The following CPXCR1 variants were observed in gnomAD, a reference collection of about 807,000 sequenced individuals.
CPXCR1 encodes CPX chromosome region candidate 1.
CPXCR1 carries 15 observed loss-of-function variants against 13.8 expected under a neutral mutation model. That is an observed-to-expected ratio of 1.09 (90% CI 0.73 to 1.67). CPXCR1 has a LOEUF of 1.67. CPXCR1 is among the 40% of genes most tolerant of loss of function. The pLI is 0.00. For synonymous variants in CPXCR1, 70 were observed against 76.7 expected (o/e 0.91, Z 0.46); for missense variants, 247 against 223.6 (o/e 1.10, Z -0.67).
At position 88,753,820 on chromosome X, in the gene CPXCR1, A is replaced by G; in HGVS notation, c.406A>G (p.Thr136Ala). The G allele has an allele frequency of 8.3e-7, 1 of 1,209,484 alleles. No homozygotes were observed. Among genetic ancestry groups the G allele is most frequent in the Non-Finnish European group, 1.1e-6 (1 of 893,865 alleles). Reference protein sequence around the residue: ...INHKTRFRLSTSWRVPFINSH... With the variant: ...INHKTRFRLSASWRVPFINSH... ...TCACAAAACTCGTTTTCGACTTTCA[A>G]CTTCATGGAGAGTCCCATTTATTAA... Residue 136 changes from threonine (T) to alanine (A), a missense_variant, in exon 3 of 3, where the codon ACT becomes GCT. Coordinates refer to ENST00000276127, the MANE Select transcript of CPXCR1 (RefSeq NM_033048.6).
Position 88,749,301 on chromosome X carries a change from T to C in CPXCR1, c.-114-17T>C, listed in dbSNP as rs6617745. On this transcript the variant is annotated splice_polypyrimidine_tract_variant and intron_variant, in intron 1 of 2. Coordinates refer to ENST00000276127, the MANE Select transcript of CPXCR1 (RefSeq NM_033048.6). ...TTTTTTCCTTTCTTTTATGAAAATATCTTTATTTGTTTTCAGGGTGCATCT... is the reference window on the plus strand; with the variant it reads ...TTTTTTCCTTTCTTTTATGAAAATACCTTTATTTGTTTTCAGGGTGCATCT... 0.18 allele frequency: 19,105 copies of C among 108,981 alleles called. 1,529 individuals are homozygous for C. The highest frequency in any genetic ancestry group is 0.35 in the East Asian group (1,179 of 3,365). 9.0% of individuals were successfully genotyped at this position (108,981 alleles called of 1,213,427 possible). A position where few individuals can be genotyped will look rare whatever the true frequency, so the allele number is the denominator to read the frequency against.
intron 1 of CPXCR1, among the ~76,000 whole-genome samples, chrX:88,748,591 G>C (rs957203641): frequency 2.7e-5 from 3 of 110,609 alleles, no homozygotes; most frequent in African/African-American, 9.8e-5. Context: ...GCCTTCTTGT[G>C]CAATTCCAGG....
In CPXCR1 at chrX:88,753,447, A is replaced by C; in HGVS notation, c.33A>C (p.Thr11=). The C allele has an allele frequency of 4.3e-6, 5 of 1,152,200 alleles. No individual in the cohort carries two copies. The highest frequency in any genetic ancestry group is 3.5e-6 in the Non-Finnish European group (3 of 865,931). 95.0% of individuals were successfully genotyped at this position (1,152,200 alleles called of 1,213,427 possible). A position where few individuals can be genotyped will look rare whatever the true frequency, so the allele number is the denominator to read the frequency against. Residue 11 remains threonine (T), a synonymous_variant, in exon 3 of 3, where the codon ACA becomes ACC. Transcript: ENST00000276127. ...ATCCTACTAAAGAAGGAAGTGATACAGCTGGAAATGCTCACAAAAATTCTG... is the reference window on the plus strand; with the variant it reads ...ATCCTACTAAAGAAGGAAGTGATACCGCTGGAAATGCTCACAAAAATTCTG... The part of the protein sequence containing the change: MSYPTKEGSD[T]AGNAHKNSEN...
intron 2 of CPXCR1, among the ~76,000 whole-genome samples, chrX:88,752,543 T>C (rs1781369277): frequency 1.9e-5 from 2 of 107,813 alleles, no homozygotes; most frequent in South Asian, 8.1e-4. Context: ...TTTATTTATT[T>C]ATTTATTTAT....
At chrX:88,751,170 G>A (rs971762526) in intron 2 of CPXCR1, among the ~76,000 whole-genome samples, 11 of 111,203 alleles carry the variant, frequency 9.9e-5, no homozygotes, top group African/African-American at 2.0e-4. Flanking sequence ...TTAGGGTGCC[G>A]ATTTTAGATA....
chrX:88,748,245 G>T (rs1216259003), intron 1 of CPXCR1, among the ~76,000 whole-genome samples: 3 of 110,194 alleles, frequency 2.7e-5, no homozygotes, highest in Non-Finnish European at 5.7e-5. Context: ...AACAAACAGT[G>T]AAATGTTGTG....
Position 88,754,183 on chromosome X carries a change from T to C in CPXCR1, c.769T>C (p.Leu257=), listed in dbSNP as rs774008181. Residue 257 remains leucine (L), a synonymous_variant, in exon 3 of 3, where the codon TTG becomes CTG. Transcript: ENST00000276127. ...TAATATAAAAGGTTTTGTGGATATA[T>C]TGACATATATCCATACCATGAATGT... ...IFNIKGFVDI[L]TYIHTMNVMI... 9.3e-6 allele frequency: 11 copies of C among 1,186,894 alleles called. No individual in the cohort carries two copies. Among genetic ancestry groups the C allele is most frequent in the Middle Eastern group, 2.3e-4 (1 of 4,301 alleles).
rs958986279 is a variant in CPXCR1 at position 88,753,727 on chromosome X, C to T, written c.313C>T (p.Pro105Ser). ...PIPRKLVSHK[P>S]LNDRSRSHSG... is the part of the protein sequence containing the mutation. ...TCCCAGAAAATTGGTCTCTCACAAG[C>T]CCTTAAATGATAGATCAAGATCCCA... Residue 105 changes from proline to serine, a missense_variant, in exon 3 of 3, where the codon CCC becomes TCC. Physicochemically the swap from Pro to Ser is moderately conservative, Grantham distance 74. Coordinates refer to ENST00000276127, the MANE Select transcript of CPXCR1 (RefSeq NM_033048.6). The T allele has an allele frequency of 2.5e-6, 3 of 1,208,734 alleles. No individual in the cohort carries two copies. The highest frequency in any genetic ancestry group is 3.4e-6 in the Non-Finnish European group (3 of 893,181).
At chrX:88,753,071 A>G (rs903198642) in intron 2 of CPXCR1, among the ~76,000 whole-genome samples, 13 of 111,497 alleles carry the variant, frequency 1.2e-4, no homozygotes, top group African/African-American at 3.9e-4. Flanking sequence ...ATAATTCACC[A>G]TCCAAAAGGA....
At chrX:88,751,743 G>A (rs1924923644) in intron 2 of CPXCR1, among the ~76,000 whole-genome samples, 1 of 111,401 alleles carries the variant, frequency 9.0e-6, no homozygotes, top group African/African-American at 3.3e-5. Context: ...AATAATTGAA[G>A]ATTAAATTGA....
chrX:88,752,248 A>G (rs1486566393), intron 2 of CPXCR1, among the ~76,000 whole-genome samples: 1 of 111,483 alleles, frequency 9.0e-6, no homozygotes, highest in Non-Finnish European at 1.9e-5. Flanking sequence ...AGGTAAGAGG[A>G]GAGGGGTGAC....
At chrX:88,750,512 A>G (rs1016184356) in intron 2 of CPXCR1, among the ~76,000 whole-genome samples, 7 of 111,993 alleles carry the variant, frequency 6.3e-5, no homozygotes, top group Non-Finnish European at 1.1e-4. Flanking sequence ...GATGTTCATC[A>G]GGGATATCGG....
chrX:88,748,414 T>C, intron 1 of CPXCR1, among the ~76,000 whole-genome samples: 1 of 109,047 alleles, frequency 9.2e-6, no homozygotes, highest in East Asian at 2.8e-4. Context: ...ACTTTAAAAA[T>C]ACCAGAAAAC....
intron 2 of CPXCR1, among the ~76,000 whole-genome samples, chrX:88,752,838 C>T (rs892477868): frequency 6.3e-5 from 7 of 111,429 alleles, no homozygotes; most frequent in South Asian, 7.4e-4. Flanking sequence ...TGGGACACCG[C>T]GCTTGGCCTA....
At chrX:88,748,329 A>C (rs1422375814) in intron 1 of CPXCR1, among the ~76,000 whole-genome samples, 1 of 108,000 alleles carries the variant, frequency 9.3e-6, no homozygotes, top group Non-Finnish European at 1.9e-5. Context: ...TATTTAATGT[A>C]TATATATTTT....
chrX:88,750,501 C>G (rs1474531830), intron 2 of CPXCR1, among the ~76,000 whole-genome samples: 1 of 111,619 alleles, frequency 9.0e-6, no homozygotes, highest in African/African-American at 3.3e-5. Flanking sequence ...ATTTTTGTAT[C>G]GATGTTCATC....
At chrX:88,753,317 C>T (rs1924976159) in intron 2 of CPXCR1, 90 bp from the exon 3 acceptor site, 2 of 490,488 alleles carry the variant, frequency 4.1e-6, no homozygotes, top group Non-Finnish European at 6.3e-6. Flanking sequence ...AGCACATTCA[C>T]AGGCTTTTTG....
rs1451973663 is a variant in CPXCR1, at chrX:88,753,623, G to A, written c.209G>A (p.Ser70Asn). 8.3e-7 allele frequency: 1 copy of A among 1,204,171 alleles called. No homozygotes were observed. The highest frequency in any genetic ancestry group is 2.2e-5 in the Admixed American group (1 of 44,691). ...EDVVPQAAEN[S>N]ELETEIQKDQ... Reference sequence around the variant, plus strand: ...GTTGTTCCTCAAGCAGCAGAAAACAGCGAGCTCGAAACAGAGATCCAAAAA... The same window carrying A: ...GTTGTTCCTCAAGCAGCAGAAAACAACGAGCTCGAAACAGAGATCCAAAAA... Residue 70 changes from serine (S) to asparagine (N), a missense_variant, in exon 3 of 3, where the codon AGC becomes AAC. Coordinates refer to ENST00000276127, the MANE Select transcript of CPXCR1 (RefSeq NM_033048.6).
In CPXCR1 at chrX:88,754,064, T is replaced by C. The variant is rs1458706927; in HGVS notation, c.650T>C (p.Phe217Ser). The change falls in exon 3 of 3, where the codon TTT becomes TCT. Residue 217 changes from phenylalanine to serine, a missense_variant. By Grantham distance (155) the Phe-to-Ser change is radical. Coordinates refer to ENST00000276127, the MANE Select transcript of CPXCR1 (RefSeq NM_033048.6). Reference protein sequence around the residue: ...PLTERMTSGKFCKSTDTKGKC... With the variant: ...PLTERMTSGKSCKSTDTKGKC... The stretch of plus-strand genomic sequence containing the variant: ...ACTGAGAGAATGACATCAGGAAAAT[T>C]TTGCAAATCAACTGACACTAAAGGG... 1.7e-6 allele frequency: 2 copies of C among 1,208,900 alleles called. No individual in the cohort carries two copies. The highest frequency in any genetic ancestry group is 3.5e-5 in the African/African-American group (2 of 57,002).
Sources: allele counts gnomAD v4.1 joint callset (sites outside exome capture counted in the v4.1 genomes callset), GRCh38; gene constraint gnomAD v4.1.1; transcripts MANE v1.5; gene names NCBI Gene and HGNC (gene_info 2026-07-23, HGNC 2026-07-21).